Variants in FAT3 observed in about 807,000 individuals in gnomAD.
FAT3 encodes FAT atypical cadherin 3.
Under a neutral mutation model 310.2 loss-of-function variants are expected in FAT3, and 95 were observed. The ratio of observed to expected loss-of-function variants is 0.31; its 90% CI spans 0.26 to 0.36. The LOEUF is 0.36. Ranked by LOEUF, FAT3 falls within the 10% of genes least tolerant of loss-of-function variation. The pLI is 1.00. For synonymous variants in FAT3, 2,314 were observed against 2,192.9 expected (o/e 1.06, Z -1.54); for missense variants, 5,408 against 5,715.6 (o/e 0.95, Z 1.74).
At chr11:92,497,558 TG>T (rs2135259782) in intron 2 of FAT3, among the ~76,000 whole-genome samples, 1 of 152,206 alleles carries the variant, frequency 6.6e-6, no homozygotes, top group Non-Finnish European at 1.5e-5. Flanking sequence ...ATGTAATAGT[TG>T]GCTGGAGGTC....
At chr11:92,822,820 T>C (rs1487224921) in intron 13 of FAT3, among the ~76,000 whole-genome samples, 3 of 152,220 alleles carry the variant, frequency 2.0e-5, no homozygotes, top group Non-Finnish European at 4.4e-5. Context: ...TCTACTGTTG[T>C]AAACTTAGGG....
chr11:92,776,804 G>A (rs540164393), intron 7 of FAT3, among the ~76,000 whole-genome samples: 1 of 151,944 alleles, frequency 6.6e-6, no homozygotes, highest in African/African-American at 2.4e-5. Context: ...TTATGAAGTG[G>A]GAACTAAGAG....
chr11:92,886,918 T>C lies in FAT3; in HGVS notation c.12938-82T>C, dbSNP rs1265614257. The C allele has an allele frequency of 2.8e-6, 3 of 1,090,034 alleles. No individual in the cohort carries two copies. In the African/African-American group the frequency reaches 4.7e-5, roughly 17 times the overall value. The allele number at this position is 1,090,034 out of a possible 1,614,324, so 67.5% of individuals were successfully genotyped here. A position where few individuals can be genotyped will look rare whatever the true frequency, so the allele number is the denominator to read the frequency against. The stretch of plus-strand genomic sequence containing the variant: ...AATGAAAGTGCCTCGAGAAGTGAAC[T>C]AGCTGAGAGGGGTGGGTGGGACTGG... On this transcript the variant is annotated intron_variant, in intron 24 of 27. Coordinates refer to ENST00000525166, the MANE Select transcript of FAT3 (RefSeq NM_001367949.2).
In FAT3 at chr11:92,352,925, T is replaced by A. The variant is rs762460541; in HGVS notation, c.813T>A (p.His271Gln). Residue 271 changes from histidine to glutamine, a missense_variant, in exon 2 of 28, where the codon CAT (histidine) becomes CAA (glutamine). This residue lies in a region of FAT3 where 4,588 missense variants were observed against 4,809.8 expected (regional missense o/e 0.95). Transcript: ENST00000525166. ...EHAPTIHVVT[H>Q]VPFSLEKEPT... Reference sequence around the variant, plus strand: ...CCCCAACAATCCATGTAGTCACTCATGTTCCTTTCTCGTTGGAAAAAGAGC... The same window carrying A: ...CCCCAACAATCCATGTAGTCACTCAAGTTCCTTTCTCGTTGGAAAAAGAGC... 3.1e-6 allele frequency: 5 copies of A among 1,613,796 alleles called. No homozygotes were observed. The highest frequency in any genetic ancestry group is 4.2e-6 in the Non-Finnish European group (5 of 1,179,874).
intron 22 of FAT3, among the ~76,000 whole-genome samples, chr11:92,870,011 T>C (rs1949346257): frequency 6.6e-6 from 1 of 152,200 alleles, no homozygotes; most frequent in Non-Finnish European, 1.5e-5. Context: ...TGTTTGAACA[T>C]TTTCTGTTGT....
chr11:92,318,085 T>A (rs945784468), intron 1 of FAT3, among the ~76,000 whole-genome samples: 1 of 152,196 alleles, frequency 6.6e-6, no homozygotes, highest in Non-Finnish European at 1.5e-5. Context: ...TGTAAAGTAC[T>A]TTGCAGACTC....
intron 1 of FAT3, among the ~76,000 whole-genome samples, chr11:92,328,607 C>CCT (rs1947825342): frequency 6.6e-6 from 1 of 152,214 alleles, no homozygotes; most frequent in Non-Finnish European, 1.5e-5. Context: ...ATCCAATGCT[C>CCT]TGGCTTCTGT....
At chr11:92,713,051 G>A (rs1944573882) in intron 4 of FAT3, among the ~76,000 whole-genome samples, 1 of 152,218 alleles carries the variant, frequency 6.6e-6, no homozygotes, top group Non-Finnish European at 1.5e-5. Context: ...TCACACAGGT[G>A]TTCAGGCTTA....
At chr11:92,494,012 G>T (rs1390552485) in intron 2 of FAT3, among the ~76,000 whole-genome samples, 1 of 147,588 alleles carries the variant, frequency 6.8e-6, no homozygotes, top group East Asian at 2.0e-4. Flanking sequence ...CATGCAAATT[G>T]TGTAAGTTAT....
chr11:92,278,539 G>A (rs1350777260), intron 1 of FAT3, among the ~76,000 whole-genome samples: 1 of 152,008 alleles, frequency 6.6e-6, no homozygotes, highest in African/African-American at 2.4e-5. Flanking sequence ...AGTGATGGAA[G>A]TTGCATTGTG....
intron 1 of FAT3, 63 bp from the exon 2 acceptor site, chr11:92,352,033 C>T (rs12801287): frequency 0.13 from 137,354 of 1,047,882 alleles, 9,386 homozygotes; most frequent in South Asian, 0.17. Context: ...TAGTTATTTC[C>T]CACTCTCCCC....
chr11:92,862,371 C>T (rs10741448), intron 21 of FAT3, among the ~76,000 whole-genome samples: 126,398 of 152,192 alleles, frequency 0.83, 52,774 homozygotes, highest in African/African-American at 0.9. Context: ...ACATGACAAA[C>T]CACCAGAAGA....
chr11:92,680,319 A>G (rs1943442818), intron 3 of FAT3, among the ~76,000 whole-genome samples: 2 of 152,188 alleles, frequency 1.3e-5, no homozygotes, highest in Non-Finnish European at 2.9e-5. Flanking sequence ...TTCATTCTGC[A>G]TATGGCAATC....
intron 2 of FAT3, among the ~76,000 whole-genome samples, chr11:92,392,441 C>G (rs527288425): frequency 6.6e-6 from 1 of 152,160 alleles, no homozygotes; most frequent in Non-Finnish European, 1.5e-5. Context: ...AAAGCTGCTC[C>G]CTCTGCCTCA....
At chr11:92,266,419 A>G (rs564162270) in intron 1 of FAT3, among the ~76,000 whole-genome samples, 1 of 152,330 alleles carries the variant, frequency 6.6e-6, no homozygotes, top group South Asian at 2.1e-4. Context: ...AAATGTCATT[A>G]GGGAGGCATA....
intron 2 of FAT3, among the ~76,000 whole-genome samples, chr11:92,493,064 G>A (rs1952655158): frequency 6.6e-6 from 1 of 152,044 alleles, no homozygotes; most frequent in Admixed American, 6.6e-5. Context: ...CATTCTCAAG[G>A]TGAAATTTAT....
chr11:92,617,123 G>A (rs549132430), intron 3 of FAT3, among the ~76,000 whole-genome samples: 3 of 152,248 alleles, frequency 2.0e-5, no homozygotes, highest in Admixed American at 1.3e-4. Context: ...CCAGTCAGAC[G>A]TATATTTGGT....
At chr11:92,810,248 A>G (rs1375381527) in intron 13 of FAT3, among the ~76,000 whole-genome samples, 172 bp downstream of exon 13, 4 of 152,242 alleles carry the variant, frequency 2.6e-5, no homozygotes, top group African/African-American at 9.6e-5. Flanking sequence ...TATGCATGAG[A>G]AAAGTCTGCA....
At chr11:92,382,573 A>C (rs1050830694) in intron 2 of FAT3, among the ~76,000 whole-genome samples, 12 of 152,158 alleles carry the variant, frequency 7.9e-5, no homozygotes, top group Non-Finnish European at 1.6e-4. Flanking sequence ...CCTGAGTGTC[A>C]CTTGGCTTTA....
Sources: allele counts gnomAD v4.1 joint callset (sites outside exome capture counted in the v4.1 genomes callset), GRCh38; gene constraint gnomAD v4.1.1; regional missense constraint gnomAD v4.1.1; transcripts MANE v1.5; gene names NCBI Gene and HGNC (gene_info 2026-07-23, HGNC 2026-07-21).